Variants in RAP1GAP2 observed in about 807,000 individuals in gnomAD.
RAP1GAP2 encodes the protein rap1 GTPase-activating protein 2.
A neutral mutation model predicts 95.0 loss-of-function variants in RAP1GAP2; 27 were observed. That is an observed-to-expected ratio of 0.28 (90% CI 0.21 to 0.39). RAP1GAP2 has a LOEUF of 0.39. RAP1GAP2 is among the 10% of genes least tolerant of loss of function. The pLI, the probability that RAP1GAP2 is intolerant of heterozygous loss-of-function variation, is 1.00. For missense variants in RAP1GAP2, 771 were observed against 970.0 expected (o/e 0.79, Z 2.72); for synonymous variants, 373 against 380.9 (o/e 0.98, Z 0.24).
intron 4 of RAP1GAP2, among the ~76,000 whole-genome samples, chr17:2,961,731 G>A (rs1197923096): frequency 6.6e-6 from 1 of 152,054 alleles, no homozygotes; most frequent in African/African-American, 2.4e-5. Context: ...CTTTGTCAAG[G>A]GTCACAAATA....
At position 2,797,730 on chromosome 17, in the gene RAP1GAP2, G is replaced by A. The variant is rs2065208113; in HGVS notation, c.44+1159G>A. 1.3e-5 allele frequency: 13 copies of A among 985,306 alleles called. No individual in the cohort carries two copies. The highest frequency in any genetic ancestry group is 1.6e-5 in the Non-Finnish European group (13 of 829,936). The allele number at this position is 985,306 out of a possible 1,614,324, so 61.0% of individuals were successfully genotyped here. On this transcript the variant is annotated intron_variant, in intron 1 of 24. Transcript: ENST00000254695. This position sits in a 1 kb window ranked among gnomAD's most constrained non-coding sequence, Gnocchi z 5.6. ...GAGAAGATGGCACAGCGTCGCCTGT[G>A]TCTGCTCTCGGGCCCTCCCTGACGC... is the stretch of plus-strand genomic sequence containing the variant.
intron 2 of RAP1GAP2, among the ~76,000 whole-genome samples, chr17:2,896,202 G>A (rs1229538441): frequency 1.3e-5 from 2 of 152,166 alleles, no homozygotes; most frequent in Non-Finnish European, 2.9e-5. Flanking sequence ...TCTTTCAGGT[G>A]GGTGTGCCGT....
At chr17:2,788,158 A>G (rs1234817145) in intron 1 of RAP1GAP2, among the ~76,000 whole-genome samples, 1 of 152,106 alleles carries the variant, frequency 6.6e-6, no homozygotes, top group Non-Finnish European at 1.5e-5. Flanking sequence ...AACAATTTTG[A>G]TAGAGTGTAT....
chr17:2,799,737 A>G (rs773117706), intron 1 of RAP1GAP2, among the ~76,000 whole-genome samples: 12 of 152,290 alleles, frequency 7.9e-5, no homozygotes, highest in Non-Finnish European at 1.5e-4. Context: ...AAGAGGAGAT[A>G]CTGACAGTGG....
Position 2,962,856 on chromosome 17 carries a change from A to G in RAP1GAP2, c.246+142A>G, listed in dbSNP as rs552503351. On this transcript the variant is annotated intron_variant, in intron 5 of 24. Transcript: ENST00000254695. ...GACTCGCACCACGGGCCGCTTCACGACTGCCTTGTTAGACCAGTGCACGGT... is the reference window on the plus strand; with the variant it reads ...GACTCGCACCACGGGCCGCTTCACGGCTGCCTTGTTAGACCAGTGCACGGT... 20 of 788,356 alleles carry G rather than the reference A, an allele frequency of 2.5e-5. No individual in the cohort carries two copies. The African/African-American group carries it at 3.2e-4, about 13-fold the overall frequency. 48.8% of individuals were successfully genotyped at this position (788,356 alleles called of 1,614,324 possible).
intron 21 of RAP1GAP2, 50 bp from the exon 22 acceptor site, chr17:3,026,894 C>A: frequency 2.6e-6 from 4 of 1,531,106 alleles, no homozygotes; most frequent in Non-Finnish European, 3.5e-6. Flanking sequence ...CCTGCGTGGG[C>A]GCAGCTGCCG....
At chr17:2,868,285 A>T (rs2072697163) in intron 2 of RAP1GAP2, among the ~76,000 whole-genome samples, 1 of 152,106 alleles carries the variant, frequency 6.6e-6, no homozygotes, top group African/African-American at 2.4e-5. Context: ...CCAGGCCCAG[A>T]GGAAGTCTCA....
intron 4 of RAP1GAP2, 159 bp from the exon 5 acceptor site, chr17:2,962,511 A>T: frequency 1.4e-6 from 1 of 698,482 alleles, no homozygotes; most frequent in Non-Finnish European, 2.3e-6. Context: ...GGCTGCTGTG[A>T]GGCCCGCCCC....
intron 17 of RAP1GAP2, among the ~76,000 whole-genome samples, chr17:3,011,083 C>T (rs1323493378): frequency 2.6e-5 from 4 of 152,054 alleles, no homozygotes; most frequent in African/African-American, 4.8e-5. Flanking sequence ...CCCGCCACCA[C>T]GCCCGGCTAA....
chr17:2,962,743 G>C (rs1361121773), intron 5 of RAP1GAP2, 29 bp downstream of exon 5: 29 of 1,575,338 alleles, frequency 1.8e-5, no homozygotes, highest in Non-Finnish European at 2.5e-5. Context: ...GGGGTGGCCA[G>C]ACGGCCCTGG....
chr17:2,979,801 C>T (rs1014693070), intron 8 of RAP1GAP2, among the ~76,000 whole-genome samples: 6 of 152,032 alleles, frequency 3.9e-5, no homozygotes, highest in Non-Finnish European at 7.4e-5. Context: ...CCCAGCATGC[C>T]TAAGTAGGAT....
At chr17:2,954,205 C>T (rs576712912) in intron 3 of RAP1GAP2, among the ~76,000 whole-genome samples, 10 of 151,906 alleles carry the variant, frequency 6.6e-5, no homozygotes, top group African/African-American at 1.2e-4. Context: ...CCCGGGTTCA[C>T]GCCATTCTCC....
intron 2 of RAP1GAP2, among the ~76,000 whole-genome samples, chr17:2,805,805 C>T (rs935722784): frequency 3.9e-5 from 6 of 151,938 alleles, no homozygotes; most frequent in Non-Finnish European, 1.5e-5. Flanking sequence ...GCTCCAGCTA[C>T]CTGAGGTGAC....
At chr17:2,879,608 C>A (rs575740371) in intron 2 of RAP1GAP2, among the ~76,000 whole-genome samples, 1 of 152,036 alleles carries the variant, frequency 6.6e-6, no homozygotes, top group South Asian at 2.1e-4. Context: ...CGCCTGTAAT[C>A]CCAGCTACTC....
At chr17:2,862,858 G>A (rs1011457142) in intron 2 of RAP1GAP2, among the ~76,000 whole-genome samples, 31 of 152,116 alleles carry the variant, frequency 2.0e-4, no homozygotes, top group South Asian at 4.1e-4. Context: ...TTAGCTGGGC[G>A]TGGTGGCGTG....
chr17:2,894,845 C>T (rs1264443156), intron 2 of RAP1GAP2, among the ~76,000 whole-genome samples: 1 of 152,134 alleles, frequency 6.6e-6, no homozygotes, highest in Non-Finnish European at 1.5e-5. Context: ...AGGGCAGCGC[C>T]CCTCGGCCCC....
chr17:2,766,215 G>A (rs927395230), intron 1 of RAP1GAP2, among the ~76,000 whole-genome samples: 3 of 152,124 alleles, frequency 2.0e-5, no homozygotes, highest in East Asian at 1.9e-4. Context: ...CTACCACGGC[G>A]CCTTTCTCCC....
intron 2 of RAP1GAP2, among the ~76,000 whole-genome samples, chr17:2,809,151 C>T (rs545695334): frequency 5.3e-5 from 8 of 152,280 alleles, no homozygotes; most frequent in Non-Finnish European, 8.8e-5. Context: ...GCCCAGGAAG[C>T]CCTGGTGAGT....
chr17:2,981,175 GT>G lies in RAP1GAP2; in HGVS notation c.676-19del. On this transcript the variant is annotated intron_variant, in intron 9 of 24. Coordinates refer to ENST00000254695, the MANE Select transcript of RAP1GAP2 (RefSeq NM_015085.5). Reference sequence around the variant, plus strand: ...TCTACAGATATCATCCCTGACCTGCGTCTTCTTCTCCCTTCTCAGGCTTTCT... The same window carrying G: ...TCTACAGATATCATCCCTGACCTGCGCTTCTTCTCCCTTCTCAGGCTTTCT... 6.2e-7 allele frequency: 1 copy of G among 1,609,674 alleles called. No individual in the cohort carries two copies. Among genetic ancestry groups the G allele is most frequent in the Non-Finnish European group, 8.5e-7 (1 of 1,177,240 alleles).
Sources: allele counts gnomAD v4.1 joint callset (sites outside exome capture counted in the v4.1 genomes callset), GRCh38; gene constraint gnomAD v4.1.1; non-coding constraint Gnocchi (gnomAD v3.1); transcripts MANE v1.5; gene names NCBI Gene and HGNC (gene_info 2026-07-23, HGNC 2026-07-21).